DOCK10: variants seen among roughly 807,000 people sequenced by gnomAD.
The protein encoded by DOCK10 is dedicator of cytokinesis protein 10.
DOCK10 carries 145 observed loss-of-function variants against 280.1 expected under a neutral mutation model. That is an observed-to-expected ratio of 0.52 (90% CI 0.45 to 0.59). The LOEUF (loss-of-function observed/expected upper bound fraction) is 0.59, where lower values mean the gene tolerates loss of function less well. DOCK10 is among the 20% of genes least tolerant of loss of function. DOCK10 has a pLI of 0.00. For synonymous variants in DOCK10, 915 were observed against 942.2 expected (o/e 0.97, Z 0.53); for missense variants, 2,368 against 2,651.7 (o/e 0.89, Z 2.35).
At chr2:224,798,871 T>G (rs1559431386) in intron 41 of DOCK10, among the ~76,000 whole-genome samples, 1 of 152,166 alleles carries the variant, frequency 6.6e-6, no homozygotes, top group African/African-American at 2.4e-5. Context: ...TGGGCTCAAG[T>G]GATCCTCCCT....
intron 18 of DOCK10, among the ~76,000 whole-genome samples, chr2:224,850,075 T>G (rs62186345): frequency 0.017 from 2,517 of 152,260 alleles, 40 homozygotes; most frequent in South Asian, 0.04. Flanking sequence ...ATATGCTCAT[T>G]GACATACTAA....
chr2:224,944,886 A>G (rs1268604346), intron 1 of DOCK10, among the ~76,000 whole-genome samples: 1 of 152,234 alleles, frequency 6.6e-6, no homozygotes, highest in Admixed American at 6.5e-5. Context: ...TGTATGAATG[A>G]TCTTAATTAA....
rs374016991 is a variant in DOCK10 at position 224,864,536 on chromosome 2, A to G, written c.1602+17T>C. 1.1e-4 allele frequency: 170 copies of G among 1,545,314 alleles called. No homozygotes were observed. The highest frequency in any genetic ancestry group is 1.5e-4 in the Non-Finnish European group (168 of 1,151,658). ...AAAAAAAAAGGAAGTGAAGTTATTT[A>G]TAAGATTATACATTACCTTGTTGGA... On this transcript the variant is annotated intron_variant, in intron 13 of 55. Transcript: ENST00000258390.
intron 4 of DOCK10, among the ~76,000 whole-genome samples, chr2:224,895,161 C>T (rs969250360): frequency 2.6e-5 from 4 of 152,204 alleles, no homozygotes. Context: ...CAAATGTCAC[C>T]TTCTTAAATC....
chr2:224,946,456 A>T (rs73081864), intron 1 of DOCK10, among the ~76,000 whole-genome samples: 1 of 152,150 alleles, frequency 6.6e-6, no homozygotes, highest in Non-Finnish European at 1.5e-5. Context: ...AGCAATGACA[A>T]TTTTTTAAAA....
intron 4 of DOCK10, among the ~76,000 whole-genome samples, chr2:224,887,501 A>G (rs1222906362): frequency 6.6e-6 from 1 of 152,206 alleles, no homozygotes; most frequent in Non-Finnish European, 1.5e-5. Flanking sequence ...TAAACCACAA[A>G]TAAGTTTTCT....
At chr2:224,921,171 G>T (rs1366532144) in intron 2 of DOCK10, among the ~76,000 whole-genome samples, 2 of 132,730 alleles carry the variant, frequency 1.5e-5, no homozygotes, top group African/African-American at 6.1e-5. Flanking sequence ...GCATGGTGGC[G>T]GGCACCTGTA....
intron 2 of DOCK10, among the ~76,000 whole-genome samples, chr2:224,923,209 A>G (rs1701866344): frequency 2.0e-5 from 3 of 152,210 alleles, no homozygotes; most frequent in Non-Finnish European, 1.5e-5. Context: ...ACAGTTGTCT[A>G]TTACTTGATA....
chr2:224,853,248 A>G (rs542861266), intron 16 of DOCK10, 126 bp from the exon 17 acceptor site: 2 of 679,690 alleles, frequency 2.9e-6, no homozygotes, highest in East Asian at 3.0e-5. Flanking sequence ...AATTGATATT[A>G]GCTTACGCTA....
intron 1 of DOCK10, among the ~76,000 whole-genome samples, chr2:225,001,758 C>T (rs1575158846): frequency 6.6e-6 from 1 of 152,210 alleles, no homozygotes; most frequent in Admixed American, 6.5e-5. Context: ...GAGGCGTCGG[C>T]AGGTGTGGTG....
At chr2:224,904,369 C>T (rs924218415) in intron 3 of DOCK10, among the ~76,000 whole-genome samples, 7 of 152,124 alleles carry the variant, frequency 4.6e-5, no homozygotes, top group African/African-American at 7.2e-5. Context: ...ATAAAACATA[C>T]ATACAAATAT....
chr2:224,981,495 T>C (rs1259249399), intron 1 of DOCK10, among the ~76,000 whole-genome samples: 1 of 152,192 alleles, frequency 6.6e-6, no homozygotes, highest in Non-Finnish European at 1.5e-5. Context: ...ATTCTAATTT[T>C]AGTGACTAAG....
chr2:224,861,664 C>G (rs1031382213), intron 14 of DOCK10: 5 of 152,226 alleles, frequency 3.3e-5, no homozygotes, highest in African/African-American at 7.2e-5. Context: ...AACAGGTTCT[C>G]TCTTCCTTCT....
chr2:224,908,977 C>T (rs1025414617), intron 3 of DOCK10, among the ~76,000 whole-genome samples: 11 of 152,142 alleles, frequency 7.2e-5, no homozygotes, highest in African/African-American at 2.2e-4. Flanking sequence ...AGTACTTTGT[C>T]AGTATTTCTC....
At chr2:224,941,136 A>G (rs1402192977) in intron 1 of DOCK10, among the ~76,000 whole-genome samples, 1 of 152,114 alleles carries the variant, frequency 6.6e-6, no homozygotes, top group Non-Finnish European at 1.5e-5. Context: ...GACCATAATC[A>G]GTATTTAATA....
rs543971127 is a variant in DOCK10, at chr2:225,039,818, G to T, written c.123+2434C>A. 3.3e-5 allele frequency among the ~76,000 whole-genome samples: 5 copies of T among 152,198 alleles called. No homozygotes were observed. In the East Asian group the frequency reaches 7.7e-4, roughly 24 times the overall value. On this transcript the variant is annotated intron_variant, in intron 1 of 55. Transcript: ENST00000258390. ...ATTCAAACCCTATGGCAATCTTTTG[G>T]CAATGTCCTGGAGGATTTGTGTCCC...
chr2:224,768,295 T>C (rs942830273), intron 55 of DOCK10, among the ~76,000 whole-genome samples: 2 of 152,134 alleles, frequency 1.3e-5, no homozygotes, highest in Non-Finnish European at 2.9e-5. Flanking sequence ...AATATGTGCA[T>C]GAATAGATAG....
At chr2:225,004,183 A>G (rs1421886687) in intron 1 of DOCK10, among the ~76,000 whole-genome samples, 2 of 152,272 alleles carry the variant, frequency 1.3e-5, no homozygotes, top group African/African-American at 4.8e-5. Context: ...AGATGAGTTA[A>G]GCCTTTCAAG....
In DOCK10 at chr2:224,797,834, T is replaced by G; in HGVS notation, c.4642A>C (p.Lys1548Gln). Residue 1548 changes from lysine (K) to glutamine (Q), a missense_variant and splice_region_variant, in exon 42 of 56, where the codon AAG becomes CAG. This residue lies in a region of DOCK10 where 1,159 missense variants were observed against 1,400.8 expected (regional missense o/e 0.83). Transcript: ENST00000258390. ...VFASLRLFVC[K>Q]FPSAFFQGPA... The stretch of plus-strand genomic sequence containing the variant: ...CATTGAAACCTGGAGATCCTTACCT[T>G]GCATACAAACAGTCTCAAGGAGGCA... 6.2e-7 allele frequency: 1 copy of G among 1,612,890 alleles called. No individual in the cohort carries two copies. Among genetic ancestry groups the G allele is most frequent in the African/African-American group, 1.3e-5 (1 of 74,980 alleles).
Sources: gnomAD v4.1 joint callset for allele counts (sites outside exome capture counted in the v4.1 genomes callset) on GRCh38, gnomAD v4.1.1 for gene constraint, gnomAD v4.1.1 regional missense constraint, MANE v1.5 for transcripts, NCBI Gene and HGNC (gene_info 2026-07-23, HGNC 2026-07-21) for gene names.